Variants in DPP6 observed in about 807,000 individuals in gnomAD.
The protein encoded by DPP6 is A-type potassium channel modulatory protein DPP6.
A neutral mutation model predicts 122.6 loss-of-function variants in DPP6; 69 were observed. That is an observed-to-expected ratio of 0.56 (90% confidence interval 0.46 to 0.69). The LOEUF (loss-of-function observed/expected upper bound fraction) is 0.69, where lower values mean the gene tolerates loss of function less well. Among genes scored for constraint, DPP6 ranks in the 30% least tolerant of loss-of-function variants. The pLI is 0.00. For synonymous variants in DPP6, 418 were observed against 433.1 expected, an observed-to-expected ratio of 0.97 and a Z score of 0.43; for missense variants, 928 against 1,116.9, an observed-to-expected ratio of 0.83 and a Z score of 2.41.
chr7:153,773,818 C>A, the DPP6 span, among the ~76,000 whole-genome samples: 1 of 139,444 alleles, frequency 7.2e-6, no homozygotes, highest in Admixed American at 7.3e-5. Context: ...AAGTTTTACC[C>A]AAGGCAAGCA....
chr7:154,716,514 C>T (rs923049386), intron 7 of DPP6, among the ~76,000 whole-genome samples: 4 of 152,156 alleles, frequency 2.6e-5, no homozygotes, highest in African/African-American at 4.8e-5. Flanking sequence ...TCCTCTAAAG[C>T]GTTCCTTCTT....
chr7:154,274,337 A>G (rs1259068372), intron 1 of DPP6, among the ~76,000 whole-genome samples: 2 of 152,174 alleles, frequency 1.3e-5, no homozygotes, highest in African/African-American at 4.8e-5. Context: ...TATCATGGTG[A>G]TACCAATACA....
At chr7:153,937,543 G>A (rs940454028) in intron 1 of DPP6, among the ~76,000 whole-genome samples, 43 of 147,278 alleles carry the variant, frequency 2.9e-4, no homozygotes, top group African/African-American at 1.1e-3. Flanking sequence ...TCCCTCCCGG[G>A]TTCAAGTGAT....
rs1310856671 is a variant in DPP6 at position 154,574,429 on chromosome 7, GGT to G, written c.627+7522_627+7523del. On this transcript the variant is annotated intron_variant, in intron 5 of 25. Coordinates refer to ENST00000377770, the MANE Select transcript of DPP6 (RefSeq NM_130797.4). ...GTGTATGTGTGGTGTGTATATGTGT[GGT>G]GTGTGTGTATGTGTGTGGTGTGTGT... 4.1e-3 allele frequency among the ~76,000 whole-genome samples: 570 copies of G among 138,158 alleles called. 2 individuals carry two copies. The highest frequency in any genetic ancestry group is 0.014 in the African/African-American group (526 of 36,570). The allele number at this position is 138,158 out of a possible 152,430, so 90.6% of individuals were successfully genotyped here.
At chr7:153,785,936 A>T in the DPP6 span, among the ~76,000 whole-genome samples, 1 of 150,132 alleles carries the variant, frequency 6.7e-6, no homozygotes, top group South Asian at 2.1e-4. Flanking sequence ...GAACCTGAAT[A>T]TTTTCTTCTA....
chr7:154,133,262 G>A (rs1358252068), intron 1 of DPP6, among the ~76,000 whole-genome samples: 4 of 152,290 alleles, frequency 2.6e-5, no homozygotes, highest in South Asian at 2.1e-4. Flanking sequence ...CAGCTGCTCC[G>A]TGTCACCCTT....
At chr7:153,992,380 A>G (rs984734396) in intron 1 of DPP6, among the ~76,000 whole-genome samples, 1 of 151,922 alleles carries the variant, frequency 6.6e-6, no homozygotes, top group Non-Finnish European at 1.5e-5. Flanking sequence ...CTGTTCTTCT[A>G]GTTATCCATC....
chr7:154,569,410 A>C (rs2130552005), intron 5 of DPP6, among the ~76,000 whole-genome samples: 1 of 152,174 alleles, frequency 6.6e-6, no homozygotes, highest in South Asian at 2.1e-4. Flanking sequence ...CTAGTTAAAC[A>C]GATAAGTTTC....
At chr7:153,860,509 C>T in the DPP6 span, among the ~76,000 whole-genome samples, 3 of 152,170 alleles carry the variant, frequency 2.0e-5, no homozygotes, top group Admixed American at 6.5e-5. Flanking sequence ...GCAGCCTTGC[C>T]GTTCGGCCAC....
the DPP6 span, among the ~76,000 whole-genome samples, chr7:153,756,714 A>G: frequency 1.3e-5 from 2 of 151,858 alleles, no homozygotes; most frequent in African/African-American, 2.4e-5. Flanking sequence ...ATCACCCAAA[A>G]CTTAAATCAT....
chr7:154,589,811 A>G (rs556175831), intron 5 of DPP6, among the ~76,000 whole-genome samples: 2 of 152,332 alleles, frequency 1.3e-5, no homozygotes, highest in South Asian at 4.1e-4. Context: ...AGTGTTTCAG[A>G]TCATGCCTCT....
chr7:154,097,988 G>A (rs1232328923), intron 1 of DPP6, among the ~76,000 whole-genome samples: 1 of 152,196 alleles, frequency 6.6e-6, no homozygotes, highest in East Asian at 1.9e-4. Context: ...TACATTAGGA[G>A]CAATTCATAA....
Position 154,892,864 on chromosome 7 carries a change from CCT to C in DPP6, c.*387_*388del. ...GAAGCATGAGACCCGCCCACACTAG[CCT>C]CTGTGTTCCCGTTAGGGACATCACA... On this transcript the variant is annotated 3_prime_UTR_variant, in exon 26 of 26. Coordinates refer to ENST00000377770, the MANE Select transcript of DPP6 (RefSeq NM_130797.4). 1.9e-6 allele frequency: 1 copy of C among 535,748 alleles called. No homozygotes were observed. Among genetic ancestry groups the C allele is most frequent in the Non-Finnish European group, 3.7e-6 (1 of 271,324 alleles). 33.2% of individuals were successfully genotyped at this position (535,748 alleles called of 1,614,324 possible).
intron 1 of DPP6, among the ~76,000 whole-genome samples, chr7:154,227,466 A>C (rs1462705267): frequency 6.6e-6 from 1 of 152,194 alleles, no homozygotes; most frequent in Non-Finnish European, 1.5e-5. Flanking sequence ...TGCAAAATGA[A>C]TAAATTCTAA....
chr7:154,879,920 C>T (rs1031539954), intron 20 of DPP6, among the ~76,000 whole-genome samples: 1 of 152,218 alleles, frequency 6.6e-6, no homozygotes, highest in African/African-American at 2.4e-5. Context: ...GCACAGCGCA[C>T]GCCAGGAAAT....
chr7:154,541,326 G>T (rs184834297), intron 4 of DPP6, among the ~76,000 whole-genome samples: 2 of 152,176 alleles, frequency 1.3e-5, no homozygotes, highest in Non-Finnish European at 2.9e-5. Flanking sequence ...GTAGAGATAG[G>T]GTCTCACTAT....
At position 154,481,586 on chromosome 7, in the gene DPP6, G is replaced by A. The variant is rs536718939; in HGVS notation, c.457+6549G>A. Among the ~76,000 whole-genome samples the A allele has an allele frequency of 4.8e-4, 73 of 150,968 alleles. 1 individual carries two copies. The highest frequency in any genetic ancestry group is 7.3e-4 in the Admixed American group (11 of 15,108). ...TGTTTACTCTCCTGACTCATCATTGGCCATCTCCCCAGTTTTCTCTTAAAC... is the reference window on the plus strand; with the variant it reads ...TGTTTACTCTCCTGACTCATCATTGACCATCTCCCCAGTTTTCTCTTAAAC... On this transcript the variant is annotated intron_variant, in intron 3 of 25. Coordinates refer to ENST00000377770, the MANE Select transcript of DPP6 (RefSeq NM_130797.4). The surrounding 1 kb of genome is among the most constrained non-coding windows in gnomAD (Gnocchi z 4.2).
At chr7:154,470,841 T>G (rs981250162) in intron 2 of DPP6, among the ~76,000 whole-genome samples, 2 of 152,218 alleles carry the variant, frequency 1.3e-5, no homozygotes, top group African/African-American at 4.8e-5. Flanking sequence ...CCACTGCCCC[T>G]TCTTGCATCG....
At chr7:154,431,446 CTTT>C (rs1162874232) in intron 1 of DPP6, among the ~76,000 whole-genome samples, 2 of 14,654 alleles carry the variant, frequency 1.4e-4, no homozygotes, top group Non-Finnish European at 2.6e-4. Context: ...TCTTTCCTTT[CTTT>C]TCTTTTCTTT....
Sources: allele counts gnomAD v4.1 joint callset (sites outside exome capture counted in the v4.1 genomes callset), GRCh38; gene constraint gnomAD v4.1.1; non-coding constraint Gnocchi (gnomAD v3.1); transcripts MANE v1.5; gene names NCBI Gene and HGNC (gene_info 2026-07-23, HGNC 2026-07-21).